Variants in EYA4 observed in about 807,000 individuals in gnomAD.
EYA4 encodes the protein EYA transcriptional coactivator and phosphatase 4.
Under a neutral mutation model 87.9 loss-of-function variants are expected in EYA4, and 31 were observed. The ratio of observed to expected loss-of-function variants is 0.35; its 90% CI spans 0.27 to 0.48. The LOEUF is 0.48. Among genes scored for constraint, EYA4 ranks in the 20% least tolerant of loss-of-function variants. The pLI is 0.99. For missense variants in EYA4, 678 were observed against 761.4 expected, an observed-to-expected ratio of 0.89 and a Z score of 1.29; for synonymous variants, 263 against 270.6, an observed-to-expected ratio of 0.97 and a Z score of 0.28.
chr6:133,444,070 G>A (rs1380866463), intron 3 of EYA4, among the ~76,000 whole-genome samples: 1 of 152,276 alleles, frequency 6.6e-6, no homozygotes, highest in African/African-American at 2.4e-5. Flanking sequence ...AATCTTACGT[G>A]TATATTTTTT....
At chr6:133,287,098 A>T (rs1018478174) in intron 2 of EYA4, among the ~76,000 whole-genome samples, 1 of 152,172 alleles carries the variant, frequency 6.6e-6, no homozygotes, top group African/African-American at 2.4e-5. Flanking sequence ...TGTTTTATTT[A>T]TATACTTACT....
chr6:133,510,408 A>G, intron 14 of EYA4: 1 of 311,108 alleles, frequency 3.2e-6, no homozygotes, highest in Non-Finnish European at 6.4e-6. Context: ...CTTTCCAAGT[A>G]TGTCACCATC....
intron 2 of EYA4, among the ~76,000 whole-genome samples, chr6:133,277,300 G>T (rs556325330): frequency 1.4e-4 from 22 of 152,270 alleles, no homozygotes; most frequent in African/African-American, 5.1e-4. Context: ...GAGTGTCAAG[G>T]TCAAACAGCT....
chr6:133,247,984 C>G (rs1774553690), intron 1 of EYA4: 2 of 152,154 alleles, frequency 1.3e-5, no homozygotes, highest in Non-Finnish European at 2.9e-5. Flanking sequence ...TGTGACATAT[C>G]AGCAGAAAGG....
chr6:133,518,848 G>T (rs547679858), intron 17 of EYA4, among the ~76,000 whole-genome samples: 1 of 151,952 alleles, frequency 6.6e-6, no homozygotes, highest in African/African-American at 2.4e-5. Context: ...AATCTCACTC[G>T]AAACCGCTCA....
intron 1 of EYA4, among the ~76,000 whole-genome samples, chr6:133,252,866 A>G (rs1228369522): frequency 2.0e-5 from 3 of 151,788 alleles, no homozygotes; most frequent in Non-Finnish European, 4.4e-5. Flanking sequence ...ATAATCATGG[A>G]AGCAGTCAGA....
intron 1 of EYA4, among the ~76,000 whole-genome samples, chr6:133,265,535 TTAACA>T (rs1776148610): frequency 2.6e-5 from 4 of 152,194 alleles, no homozygotes; most frequent in African/African-American, 4.8e-5. Context: ...GTTAAAGGAA[TTAACA>T]TAACAACCAT....
At chr6:133,289,762 G>A (rs9402500) in intron 2 of EYA4, among the ~76,000 whole-genome samples, 1 of 151,022 alleles carries the variant, frequency 6.6e-6, no homozygotes, top group Non-Finnish European at 1.5e-5. Flanking sequence ...CTTGAAATTC[G>A]GTGGCTTCAT....
At chr6:133,488,126 T>C (rs887079531) in intron 13 of EYA4, among the ~76,000 whole-genome samples, 4 of 152,108 alleles carry the variant, frequency 2.6e-5, no homozygotes, top group Admixed American at 6.5e-5. Flanking sequence ...GAGCAGTCAA[T>C]AGTGGTCATG....
rs148762271 is a variant in EYA4 at position 133,456,708 on chromosome 6, C to A, written c.370+60C>A. ...ATGGGGGTGCATCCACATCCTCCTCCTCGGGAATAAGCAACATAAGCATCC... is the reference window on the plus strand; with the variant it reads ...ATGGGGGTGCATCCACATCCTCCTCATCGGGAATAAGCAACATAAGCATCC... On this transcript the variant is annotated intron_variant, in intron 6 of 19. Coordinates refer to ENST00000355286, the MANE Select transcript of EYA4 (RefSeq NM_004100.5). 4,663 of 998,552 alleles carry A rather than the reference C, an allele frequency of 4.7e-3. 11 individuals are homozygous for A. Among genetic ancestry groups the A allele is most frequent in the Non-Finnish European group, 5.7e-3 (3,553 of 619,856 alleles). 61.9% of individuals were successfully genotyped at this position (998,552 alleles called of 1,614,324 possible). A position where few individuals can be genotyped will look rare whatever the true frequency, so the allele number is the denominator to read the frequency against.
chr6:133,326,438 G>GA (rs1781505126), intron 2 of EYA4, among the ~76,000 whole-genome samples: 1 of 152,148 alleles, frequency 6.6e-6, no homozygotes, highest in South Asian at 2.1e-4. Context: ...TCCAAAATCT[G>GA]AAAAAAATTG....
chr6:133,420,256 C>CA (rs1790102935), intron 3 of EYA4, among the ~76,000 whole-genome samples: 1 of 152,092 alleles, frequency 6.6e-6, no homozygotes, highest in African/African-American at 2.4e-5. Context: ...CCCCTCTGGG[C>CA]AGAGCTGATT....
At chr6:133,514,469 G>A (rs758790019) in intron 16 of EYA4, among the ~76,000 whole-genome samples, 8 of 152,148 alleles carry the variant, frequency 5.3e-5, no homozygotes, top group Non-Finnish European at 8.8e-5. Context: ...AAACAACCAC[G>A]AGTCTACTTT....
chr6:133,454,488 A>C (rs952651038), intron 5 of EYA4, among the ~76,000 whole-genome samples: 2 of 152,170 alleles, frequency 1.3e-5, no homozygotes, highest in Non-Finnish European at 2.9e-5. Context: ...TTGGTCTCAA[A>C]TTCTAGCTCT....
intron 3 of EYA4, among the ~76,000 whole-genome samples, chr6:133,410,190 T>A (rs1789086925): frequency 6.6e-6 from 1 of 152,158 alleles, no homozygotes; most frequent in African/African-American, 2.4e-5. Context: ...TAGATTTCAT[T>A]AATTTAATGA....
At chr6:133,293,488 A>G (rs763974732) in intron 2 of EYA4, among the ~76,000 whole-genome samples, 1 of 152,174 alleles carries the variant, frequency 6.6e-6, no homozygotes, top group Non-Finnish European at 1.5e-5. Context: ...AAGGCAACAT[A>G]GTATTTTAGG....
chr6:133,428,786 C>A (rs954965403), intron 3 of EYA4, among the ~76,000 whole-genome samples: 11 of 152,184 alleles, frequency 7.2e-5, no homozygotes, highest in African/African-American at 2.6e-4. Context: ...ACCCCCAAGT[C>A]TCCAGCAAAG....
intron 2 of EYA4, among the ~76,000 whole-genome samples, chr6:133,346,644 C>G (rs535438753): frequency 6.6e-6 from 1 of 152,210 alleles, no homozygotes; most frequent in South Asian, 2.1e-4. Context: ...CATACTAAGT[C>G]CTCCTCGTAA....
intron 2 of EYA4, among the ~76,000 whole-genome samples, chr6:133,337,589 AC>A (rs1392257418): frequency 6.6e-6 from 1 of 152,202 alleles, no homozygotes; most frequent in Non-Finnish European, 1.5e-5. Flanking sequence ...GTAGTTAAAC[AC>A]AGCTTAAATG....
Sources: gnomAD v4.1 joint callset for allele counts (sites outside exome capture counted in the v4.1 genomes callset) on GRCh38, gnomAD v4.1.1 for gene constraint, MANE v1.5 for transcripts, NCBI Gene and HGNC (gene_info 2026-07-23, HGNC 2026-07-21) for gene names.